Variants in IMMP2L observed in about 807,000 individuals in gnomAD.
IMMP2L encodes inner mitochondrial membrane peptidase subunit 2, also known as mitochondrial inner membrane protease subunit 2.
IMMP2L carries 18 observed loss-of-function variants against 19.3 expected under a neutral mutation model. The observed-to-expected ratio is 0.93, with a 90% CI of 0.64 to 1.38. The LOEUF (loss-of-function observed/expected upper bound fraction) is 1.38, where lower values mean the gene tolerates loss of function less well. Among genes scored for constraint, IMMP2L ranks in the 40% most tolerant of loss-of-function variants. IMMP2L has a pLI of 0.00. For missense variants in IMMP2L, 233 were observed against 218.2 expected, an observed-to-expected ratio of 1.07 and a Z score of -0.43; for synonymous variants, 76 against 73.0, an observed-to-expected ratio of 1.04 and a Z score of -0.21.
At chr7:111,228,727 T>A (rs577823326) in intron 3 of IMMP2L, among the ~76,000 whole-genome samples, 32 of 152,198 alleles carry the variant, frequency 2.1e-4, no homozygotes, top group Middle Eastern at 3.4e-3. Context: ...TGCATAAATA[T>A]TCTATAGTTA....
At chr7:111,311,067 G>C (rs190050013) in intron 3 of IMMP2L, among the ~76,000 whole-genome samples, 4 of 152,202 alleles carry the variant, frequency 2.6e-5, no homozygotes, top group Non-Finnish European at 2.9e-5. Flanking sequence ...TTGCTCTCCT[G>C]GATGGGAGAA....
chr7:110,835,202 C>T (rs1804332106), intron 5 of IMMP2L, among the ~76,000 whole-genome samples: 1 of 152,058 alleles, frequency 6.6e-6, no homozygotes, highest in Non-Finnish European at 1.5e-5. Context: ...AACTTTGCTG[C>T]AAAAGGATCA....
intron 3 of IMMP2L, among the ~76,000 whole-genome samples, chr7:111,439,488 T>C (rs950245519): frequency 1.3e-5 from 2 of 151,950 alleles, no homozygotes; most frequent in East Asian, 3.9e-4. Context: ...ACAGTGTATA[T>C]AAAAGTTACA....
chr7:111,023,586 T>G (rs1826511596), intron 3 of IMMP2L, among the ~76,000 whole-genome samples: 1 of 150,318 alleles, frequency 6.7e-6, no homozygotes, highest in Admixed American at 6.6e-5. Context: ...AGCAGGCAAC[T>G]GTAATCCTAG....
intron 3 of IMMP2L, among the ~76,000 whole-genome samples, chr7:111,115,581 A>G (rs1245558558): frequency 6.6e-6 from 1 of 152,080 alleles, no homozygotes; most frequent in Non-Finnish European, 1.5e-5. Flanking sequence ...TCTAAATTAT[A>G]GCTGTACTAT....
At chr7:111,377,186 T>C (rs978279419) in intron 3 of IMMP2L, among the ~76,000 whole-genome samples, 4 of 151,958 alleles carry the variant, frequency 2.6e-5, no homozygotes, top group Non-Finnish European at 5.9e-5. Flanking sequence ...CACCAAGTTG[T>C]ATAGGTTTTT....
At chr7:111,559,945 G>T (rs1791828167) in intron 1 of IMMP2L, among the ~76,000 whole-genome samples, 2 of 151,916 alleles carry the variant, frequency 1.3e-5, no homozygotes, top group South Asian at 2.1e-4. Flanking sequence ...AGGAGGGGTG[G>T]TAAATAGCCA....
At chr7:110,778,811 G>A (rs972138205) in intron 5 of IMMP2L, among the ~76,000 whole-genome samples, 2 of 151,906 alleles carry the variant, frequency 1.3e-5, no homozygotes, top group Non-Finnish European at 2.9e-5. Context: ...TATAAGTGGT[G>A]TGTTGGAAAA....
chr7:111,450,863 G>GA (rs1211971132), intron 3 of IMMP2L, among the ~76,000 whole-genome samples: 1 of 149,932 alleles, frequency 6.7e-6, no homozygotes, highest in Non-Finnish European at 1.5e-5. Flanking sequence ...AAATTTACAA[G>GA]AAAAAAACAA....
intron 3 of IMMP2L, among the ~76,000 whole-genome samples, chr7:111,098,356 C>T (rs915691059): frequency 1.4e-4 from 21 of 151,772 alleles, no homozygotes; most frequent in African/African-American, 4.8e-4. Context: ...CAAACCATTT[C>T]CTCAATCAAT....
chr7:111,324,752 T>C (rs186124555), intron 3 of IMMP2L, among the ~76,000 whole-genome samples: 49 of 151,994 alleles, frequency 3.2e-4, no homozygotes, highest in African/African-American at 1.1e-3. Flanking sequence ...CAACAATCTG[T>C]TTATTGACAA....
intron 3 of IMMP2L, among the ~76,000 whole-genome samples, chr7:110,991,183 T>C (rs922803952): frequency 6.6e-6 from 1 of 152,110 alleles, no homozygotes; most frequent in African/African-American, 2.4e-5. Flanking sequence ...AAGAAAATAT[T>C]ATAGCCTTGA....
intron 3 of IMMP2L, among the ~76,000 whole-genome samples, chr7:111,052,163 C>T (rs1173897131): frequency 6.6e-6 from 1 of 152,276 alleles, no homozygotes; most frequent in Non-Finnish European, 1.5e-5. Context: ...ATTTCTTTGA[C>T]GTATTTTAAA....
chr7:110,695,208 T>C (rs982617064), intron 5 of IMMP2L, among the ~76,000 whole-genome samples: 1 of 152,192 alleles, frequency 6.6e-6, no homozygotes, highest in Non-Finnish European at 1.5e-5. Context: ...TGTCTGTTTA[T>C]TGAGACAGGG....
chr7:111,323,404 C>T (rs1023468368), intron 3 of IMMP2L, among the ~76,000 whole-genome samples: 1 of 151,910 alleles, frequency 6.6e-6, no homozygotes, highest in African/African-American at 2.4e-5. Flanking sequence ...TCATCATCAC[C>T]AGCCATCAGA....
At chr7:111,197,116 G>C (rs1014919250) in intron 3 of IMMP2L, among the ~76,000 whole-genome samples, 1 of 151,958 alleles carries the variant, frequency 6.6e-6, no homozygotes, top group African/African-American at 2.4e-5. Flanking sequence ...AAAAGGTTGA[G>C]GAAGTACCAA....
chr7:110,891,822 G>A (rs1810829375), intron 4 of IMMP2L, among the ~76,000 whole-genome samples: 1 of 152,076 alleles, frequency 6.6e-6, no homozygotes, highest in African/African-American at 2.4e-5. Flanking sequence ...TCAATACAGA[G>A]AGCTAAAGAA....
chr7:110,892,072 C>T (rs1004086969), intron 4 of IMMP2L, among the ~76,000 whole-genome samples: 14 of 152,166 alleles, frequency 9.2e-5, no homozygotes, highest in Non-Finnish European at 1.8e-4. Context: ...CGAGGTCTCT[C>T]TGACCTCCTT....
At chr7:111,322,305 T>C (rs1235246661) in intron 3 of IMMP2L, among the ~76,000 whole-genome samples, 1 of 151,976 alleles carries the variant, frequency 6.6e-6, no homozygotes, top group African/African-American at 2.4e-5. Flanking sequence ...CAATAAATAT[T>C]TATTGAGGTC....
Sources: gnomAD v4.1 joint callset for allele counts (sites outside exome capture counted in the v4.1 genomes callset) on GRCh38, gnomAD v4.1.1 for gene constraint, MANE v1.5 for transcripts, NCBI Gene and HGNC (gene_info 2026-07-23, HGNC 2026-07-21) for gene names.